SLC35D2: variants seen among roughly 807,000 people sequenced by gnomAD.
The protein encoded by SLC35D2 is solute carrier family 35 member D2.
In SLC35D2, 43 loss-of-function variants were observed where a neutral mutation model predicts 41.8. That is an observed-to-expected ratio of 1.03 (90% confidence interval 0.81 to 1.33). The LOEUF (loss-of-function observed/expected upper bound fraction) is 1.33. Ranked by LOEUF, SLC35D2 falls within the 40% of genes most tolerant of loss-of-function variation. SLC35D2 has a pLI of 0.00. For synonymous variants in SLC35D2, 150 were observed against 163.9 expected (o/e 0.92, Z 0.65); for missense variants, 380 against 408.4 (o/e 0.93, Z 0.60).
At chr9:96,363,978 T>A (rs1381194817) in intron 3 of SLC35D2, among the ~76,000 whole-genome samples, 1 of 152,212 alleles carries the variant, frequency 6.6e-6, no homozygotes, top group East Asian at 1.9e-4. Context: ...TACTACTACT[T>A]ACTGCATTAC....
intron 1 of SLC35D2, among the ~76,000 whole-genome samples, chr9:96,382,496 C>CACACTCTATATATATATATATATATA (rs200897475): frequency 1.3e-4 from 17 of 127,912 alleles, no homozygotes; most frequent in African/African-American, 5.0e-4. Flanking sequence ...CACACACACA[C>CACACTCTATATATATATATATATATA]TATATATATA....
intron 9 of SLC35D2, among the ~76,000 whole-genome samples, chr9:96,327,075 C>A (rs1564086776): frequency 6.6e-6 from 1 of 152,172 alleles, no homozygotes; most frequent in African/African-American, 2.4e-5. Context: ...GCACAGGGCC[C>A]AGCCCAACGC....
intron 9 of SLC35D2, among the ~76,000 whole-genome samples, chr9:96,328,794 A>T (rs574131596): frequency 6.6e-6 from 1 of 152,294 alleles, no homozygotes; most frequent in South Asian, 2.1e-4. Flanking sequence ...GTACCCAAGC[A>T]CATCATTCTC....
downstream of SLC35D2, among the ~76,000 whole-genome samples, chr9:96,319,282 G>T (rs1828129889): frequency 6.6e-6 from 1 of 152,108 alleles, no homozygotes; most frequent in African/African-American, 2.4e-5. Context: ...CTTATATAAG[G>T]TATCTTGAAT....
chr9:96,360,628 CAAAAAAAAA>C (rs906000581), intron 3 of SLC35D2, among the ~76,000 whole-genome samples: 4 of 15,698 alleles, frequency 2.5e-4, no homozygotes, highest in African/African-American at 7.7e-4. Context: ...GACTTCATCT[CAAAAAAAAA>C]AAAAAAAAAA....
At chr9:96,325,363 CA>C (rs1483576664) in intron 9 of SLC35D2, among the ~76,000 whole-genome samples, 1 of 152,092 alleles carries the variant, frequency 6.6e-6, no homozygotes, top group African/African-American at 2.4e-5. Context: ...AAGGAGAGTA[CA>C]AGATGTGTGA....
intron 8 of SLC35D2, among the ~76,000 whole-genome samples, chr9:96,343,386 A>T (rs893347476): frequency 6.6e-6 from 1 of 152,220 alleles, no homozygotes; most frequent in East Asian, 1.9e-4. Context: ...GATAGGTTTT[A>T]AAATACTCCA....
At chr9:96,360,022 T>C (rs1830193669) in intron 4 of SLC35D2, 132 bp downstream of exon 4, 1 of 538,386 alleles carries the variant, frequency 1.9e-6, no homozygotes, top group Admixed American at 3.3e-5. Flanking sequence ...CCTTACTTTC[T>C]TAAACTACTA....
chr9:96,347,352 G>A (rs1256157862), intron 6 of SLC35D2, among the ~76,000 whole-genome samples: 2 of 152,168 alleles, frequency 1.3e-5, no homozygotes, highest in Admixed American at 6.5e-5. Context: ...CCGGAAGCCT[G>A]GGTCACTGTC....
intron 1 of SLC35D2, among the ~76,000 whole-genome samples, chr9:96,375,833 C>T (rs780832287): frequency 5.3e-5 from 8 of 151,144 alleles, no homozygotes; most frequent in Non-Finnish European, 1.0e-4. Context: ...GCCTGGCCAA[C>T]ACGGCAAAAC....
intron 9 of SLC35D2, among the ~76,000 whole-genome samples, chr9:96,330,086 GC>G (rs1284979243): frequency 6.6e-6 from 1 of 152,256 alleles, no homozygotes; most frequent in African/African-American, 2.4e-5. Context: ...ACCACAGACT[GC>G]TGGTGGAAGC....
intron 7 of SLC35D2, among the ~76,000 whole-genome samples, chr9:96,344,646 A>G (rs1211656572): frequency 6.9e-6 from 1 of 144,940 alleles, no homozygotes; most frequent in East Asian, 2.1e-4. Flanking sequence ...TCCCTCATCC[A>G]GCACAAAGAG....
chr9:96,377,477 C>T (rs143619250), intron 1 of SLC35D2, among the ~76,000 whole-genome samples: 2 of 152,204 alleles, frequency 1.3e-5, no homozygotes, highest in Non-Finnish European at 2.9e-5. Context: ...TCTCCCAGCA[C>T]AGTATGTAAC....
rs1459932269 is a variant in SLC35D2 at position 96,368,274 on chromosome 9, G to T, written c.190C>A (p.Gln64Lys). 1 of 1,603,506 alleles carries T rather than the reference G, an allele frequency of 6.2e-7. No individual in the cohort carries two copies. Among genetic ancestry groups the T allele is most frequent in the Non-Finnish European group, 8.5e-7 (1 of 1,173,192 alleles). ...FPSPIFLGIG[Q>K]MAATIMILYV... ...TAATTCTATTTTTTTTCACTCACCTGTCCAATTCCAAGGAAAATTGGTGAC... is the reference window on the plus strand; with the variant it reads ...TAATTCTATTTTTTTTCACTCACCTTTCCAATTCCAAGGAAAATTGGTGAC... The change falls in exon 2 of 12, where the codon CAG becomes AAG. Residue 64 changes from glutamine to lysine, a missense_variant and splice_region_variant. Gln to Lys is a moderately conservative substitution (Grantham distance 53). Transcript: ENST00000253270.
At chr9:96,322,656 C>T (rs938966031) in intron 10 of SLC35D2, among the ~76,000 whole-genome samples, 2 of 151,278 alleles carry the variant, frequency 1.3e-5, no homozygotes, top group Non-Finnish European at 2.9e-5. Flanking sequence ...AAGAGTGGGG[C>T]TGTCATCAGC....
At position 96,323,925 on chromosome 9, in the gene SLC35D2, CA is replaced by C. The variant is rs146238386; in HGVS notation, c.831+165del. The stretch of plus-strand genomic sequence containing the variant: ...TGGACAACAGAACGAGACTCTGTCT[CA>C]AAAAAAAAAAGAAGTAAGATGGGAT... On this transcript the variant is annotated intron_variant, in intron 10 of 11. Coordinates refer to ENST00000253270, the MANE Select transcript of SLC35D2 (RefSeq NM_007001.3). Among the ~76,000 whole-genome samples the C allele has an allele frequency of 6.7e-3, 949 of 141,706 alleles. 10 individuals are homozygous for C. The highest frequency in any genetic ancestry group is 0.022 in the African/African-American group (832 of 38,380). 93.0% of individuals were successfully genotyped at this position (141,706 alleles called of 152,430 possible). A position where few individuals can be genotyped will look rare whatever the true frequency, so the allele number is the denominator to read the frequency against.
chr9:96,372,672 C>T (rs898514202), intron 1 of SLC35D2, among the ~76,000 whole-genome samples: 1 of 146,854 alleles, frequency 6.8e-6, no homozygotes, highest in Non-Finnish European at 1.5e-5. Flanking sequence ...GCAACCTTCG[C>T]CTCCCAGGGT....
chr9:96,344,038 G>T, intron 7 of SLC35D2, 42 bp from the exon 8 acceptor site: 2 of 1,298,656 alleles, frequency 1.5e-6, no homozygotes, highest in Non-Finnish European at 1.1e-6. Flanking sequence ...TTTCAGAAAC[G>T]TGAGGCACAG....
chr9:96,358,713 G>A (rs958753343), intron 4 of SLC35D2, among the ~76,000 whole-genome samples: 3 of 152,190 alleles, frequency 2.0e-5, no homozygotes, highest in Non-Finnish European at 4.4e-5. Flanking sequence ...TTTAGGTTGG[G>A]TGTGGTGGCT....
Sources: allele counts gnomAD v4.1 joint callset (sites outside exome capture counted in the v4.1 genomes callset), GRCh38; gene constraint gnomAD v4.1.1; transcripts MANE v1.5; gene names NCBI Gene and HGNC (gene_info 2026-07-23, HGNC 2026-07-21).